The following CNTNAP5 variants were observed in gnomAD, a reference collection of about 807,000 sequenced individuals.
CNTNAP5 encodes contactin associated protein family member 5, also known as contactin-associated protein-like 5.
CNTNAP5 carries 72 observed loss-of-function variants against 150.2 expected under a neutral mutation model. The observed-to-expected ratio is 0.48, with a 90% CI of 0.40 to 0.58. The LOEUF (loss-of-function observed/expected upper bound fraction) is 0.58, where lower values mean the gene tolerates loss of function less well. Among genes scored for constraint, CNTNAP5 ranks in the 20% least tolerant of loss-of-function variants. The pLI is 0.00. For missense variants in CNTNAP5, 1,636 were observed against 1,626.2 expected (o/e 1.01, Z -0.10); for synonymous variants, 672 against 619.8 (o/e 1.08, Z -1.25).
rs2791626 is a variant in CNTNAP5, at chr2:124,868,023, T to C, written c.3349-1652T>C. ...GGTATTCTCCTTTTATCTCTCCTTC[T>C]CTTACATGCAGCATCTCGTGGATCA... On this transcript the variant is annotated intron_variant, in intron 20 of 23. Transcript: ENST00000682447. 9.5e-3 allele frequency among the ~76,000 whole-genome samples: 1,447 copies of C among 152,282 alleles called. 20 individuals are homozygous for C. The highest frequency in any genetic ancestry group is 0.033 in the African/African-American group (1,381 of 41,572).
At chr2:124,722,834 G>A (rs943700962) in intron 13 of CNTNAP5, among the ~76,000 whole-genome samples, 2 of 152,110 alleles carry the variant, frequency 1.3e-5, no homozygotes, top group African/African-American at 4.8e-5. Flanking sequence ...ATGAAAACAT[G>A]TGCTTGCAGC....
At chr2:124,766,271 A>G (rs1681066884) in intron 16 of CNTNAP5, among the ~76,000 whole-genome samples, 1 of 152,092 alleles carries the variant, frequency 6.6e-6, no homozygotes, top group Non-Finnish European at 1.5e-5. Context: ...TGTCTAAATG[A>G]ATGTTTTTCT....
intron 13 of CNTNAP5, among the ~76,000 whole-genome samples, chr2:124,673,700 G>A (rs1486536369): frequency 6.7e-6 from 1 of 150,344 alleles, no homozygotes; most frequent in African/African-American, 2.4e-5. Context: ...TTATTTTTCT[G>A]ATTTTATAGA....
intron 13 of CNTNAP5, among the ~76,000 whole-genome samples, chr2:124,653,923 C>T (rs888641920): frequency 4.3e-5 from 6 of 139,134 alleles, no homozygotes; most frequent in Non-Finnish European, 6.3e-5. Flanking sequence ...CCCCCCCCCC[C>T]GCCACACACA....
rs143833692 is a variant in CNTNAP5, at chr2:124,445,826, A to G, written c.734-927A>G. 2.0e-3 allele frequency among the ~76,000 whole-genome samples: 305 copies of G among 152,376 alleles called. 1 individual carries two copies. The highest frequency in any genetic ancestry group is 6.9e-3 in the African/African-American group (287 of 41,596). On this transcript the variant is annotated intron_variant, in intron 5 of 23. Transcript: ENST00000682447. Reference sequence around the variant, plus strand: ...ACAAAAATTGAAAATGTATATATACACAAACGTTAGTTCTATTTAATTGTT... The same window carrying G: ...ACAAAAATTGAAAATGTATATATACGCAAACGTTAGTTCTATTTAATTGTT...
intron 1 of CNTNAP5, among the ~76,000 whole-genome samples, chr2:124,131,176 G>C (rs1346453897): frequency 6.6e-6 from 1 of 152,136 alleles, no homozygotes; most frequent in African/African-American, 2.4e-5. Flanking sequence ...GCAATCTTAA[G>C]TGCATTATTT....
At chr2:124,475,004 G>C (rs541760910) in intron 7 of CNTNAP5, 122 bp downstream of exon 7, 1 of 728,208 alleles carries the variant, frequency 1.4e-6, no homozygotes, top group South Asian at 2.2e-5. Flanking sequence ...GTTCCCATCA[G>C]CGTCTGACGT....
intron 3 of CNTNAP5, among the ~76,000 whole-genome samples, chr2:124,244,267 G>A (rs922085530): frequency 1.3e-5 from 2 of 152,052 alleles, no homozygotes; most frequent in African/African-American, 4.8e-5. Context: ...ATGATTCCAA[G>A]CTCCTCAAAG....
intron 3 of CNTNAP5, among the ~76,000 whole-genome samples, chr2:124,282,321 G>A (rs1480756899): frequency 2.0e-5 from 3 of 152,170 alleles, no homozygotes; most frequent in East Asian, 3.9e-4. Flanking sequence ...GAACTGATCA[G>A]TATAAAGAAC....
chr2:124,768,953 T>A (rs1037550658), intron 16 of CNTNAP5, among the ~76,000 whole-genome samples: 2 of 152,152 alleles, frequency 1.3e-5, no homozygotes, highest in Admixed American at 6.6e-5. Flanking sequence ...TTTTATTTAG[T>A]TCATATTTCT....
At chr2:124,234,494 T>A (rs1008997870) in intron 2 of CNTNAP5, among the ~76,000 whole-genome samples, 1 of 152,202 alleles carries the variant, frequency 6.6e-6, no homozygotes, top group Non-Finnish European at 1.5e-5. Context: ...TTCACTACCA[T>A]ATTGAACAAT....
chr2:124,164,316 G>T (rs549454698), intron 1 of CNTNAP5, among the ~76,000 whole-genome samples: 1 of 152,120 alleles, frequency 6.6e-6, no homozygotes, highest in African/African-American at 2.4e-5. Context: ...ATCTCCTCAA[G>T]GCATGTGCCA....
chr2:124,647,873 G>C lies in CNTNAP5; in HGVS notation c.1992G>C (p.Gln664His), dbSNP rs1159435643. ...TGGACTACGGGGGCAGCATGGAACA[G>C]CTGGAGGCCGTGATCGACGGCTCTG... ...MALDYGGSMEQLEAVIDGSEH... is the reference protein window; with the variant it reads ...MALDYGGSMEHLEAVIDGSEH... The change falls in exon 13 of 24, where the codon CAG becomes CAC. Residue 664 changes from glutamine (Q) to histidine (H), a missense_variant. Transcript: ENST00000682447. 9 of 1,613,156 alleles carry C rather than the reference G, an allele frequency of 5.6e-6. No individual in the cohort carries two copies. Among genetic ancestry groups the C allele is most frequent in the Non-Finnish European group, 7.6e-6 (9 of 1,179,602 alleles).
chr2:124,659,840 C>G (rs1281558879), intron 13 of CNTNAP5, among the ~76,000 whole-genome samples: 1 of 152,080 alleles, frequency 6.6e-6, no homozygotes, highest in East Asian at 1.9e-4. Context: ...AAAAGCACCT[C>G]TTCTTTGTGG....
At chr2:124,433,121 A>C (rs1433722891) in intron 4 of CNTNAP5, among the ~76,000 whole-genome samples, 2 of 152,198 alleles carry the variant, frequency 1.3e-5, no homozygotes, top group African/African-American at 4.8e-5. Context: ...TGTTATCTAT[A>C]CCACAGTCCT....
intron 10 of CNTNAP5, among the ~76,000 whole-genome samples, chr2:124,540,091 A>G (rs1349735773): frequency 6.6e-6 from 1 of 152,178 alleles, no homozygotes; most frequent in African/African-American, 2.4e-5. Flanking sequence ...TGTCTTGCCA[A>G]ATTTTAGTCT....
intron 1 of CNTNAP5, among the ~76,000 whole-genome samples, chr2:124,120,351 G>T (rs376643458): frequency 1.3e-5 from 2 of 152,174 alleles, no homozygotes; most frequent in East Asian, 1.9e-4. Flanking sequence ...GGGAGCAAAG[G>T]TGAGCCAGAG....
intron 16 of CNTNAP5, among the ~76,000 whole-genome samples, chr2:124,769,259 A>G (rs1362348549): frequency 6.6e-6 from 1 of 152,172 alleles, no homozygotes; most frequent in Non-Finnish European, 1.5e-5. Context: ...AGCACTTGGT[A>G]GAAACTCTGT....
At chr2:124,772,759 C>A (rs1284512316) in intron 16 of CNTNAP5, 40 bp from the exon 17 acceptor site, 24 of 1,526,590 alleles carry the variant, frequency 1.6e-5, no homozygotes, top group Non-Finnish European at 2.1e-5. Context: ...AATGAGCTAA[C>A]AACTCCCTCT....
Sources: gnomAD v4.1 joint callset for allele counts (sites outside exome capture counted in the v4.1 genomes callset) on GRCh38, gnomAD v4.1.1 for gene constraint, MANE v1.5 for transcripts, NCBI Gene and HGNC (gene_info 2026-07-23, HGNC 2026-07-21) for gene names.